The following LUZP2 variants were observed in gnomAD, a reference collection of about 807,000 sequenced individuals.
The protein encoded by LUZP2 is leucine zipper protein 2.
LUZP2 carries 52 observed loss-of-function variants against 51.6 expected under a neutral mutation model. The observed-to-expected ratio is 1.01, with a 90% confidence interval of 0.81 to 1.27. The LOEUF is 1.27. Among genes scored for constraint, LUZP2 ranks in the 50% most tolerant of loss-of-function variants. The probability of loss-of-function intolerance (pLI) is 0.00; values close to 1 mark genes in which losing one functional copy is unlikely to be tolerated. For synonymous variants in LUZP2, 154 were observed against 137.3 expected (o/e 1.12, Z -0.85); for missense variants, 436 against 395.4 (o/e 1.10, Z -0.87).
chr11:24,662,186 G>A (rs1351040555), intron 1 of LUZP2, among the ~76,000 whole-genome samples: 8 of 152,036 alleles, frequency 5.3e-5, no homozygotes, highest in African/African-American at 1.2e-4. Flanking sequence ...TAAACAAGGA[G>A]TTAGTAAGCA....
At chr11:24,545,555 CTTTTTTT>C (rs3992984) in intron 1 of LUZP2, among the ~76,000 whole-genome samples, 1 of 120,798 alleles carries the variant, frequency 8.3e-6, no homozygotes, top group Admixed American at 9.4e-5. Flanking sequence ...TTGTTGCTTG[CTTTTTTT>C]TTTTTTTTTT....
At chr11:24,884,684 T>C (rs1211793675) in intron 5 of LUZP2, among the ~76,000 whole-genome samples, 1 of 152,022 alleles carries the variant, frequency 6.6e-6, no homozygotes, top group Non-Finnish European at 1.5e-5. Context: ...CTAGAACTAG[T>C]ACAAACTTTT....
chr11:24,986,537 C>CTG (rs61367765), intron 9 of LUZP2, among the ~76,000 whole-genome samples: 7,755 of 145,736 alleles, frequency 0.053, 246 homozygotes, highest in African/African-American at 0.094. Flanking sequence ...TAGCATGCCT[C>CTG]TGTGTGTGTG....
intron 4 of LUZP2, among the ~76,000 whole-genome samples, chr11:24,744,484 AGTTTATGTGCAT>A: frequency 6.6e-6 from 1 of 152,156 alleles, no homozygotes; most frequent in East Asian, 1.9e-4. Flanking sequence ...TAGGTTTCCT[AGTTTATGTGCAT>A]AAAGGTGTTC....
intron 7 of LUZP2, among the ~76,000 whole-genome samples, chr11:24,963,592 G>T (rs1020440141): frequency 7.9e-5 from 10 of 127,256 alleles, no homozygotes; most frequent in Non-Finnish European, 1.3e-4. Context: ...TAATCTCCTG[G>T]TGCGCCGTTT....
At chr11:24,963,946 G>A (rs1855503233) in intron 7 of LUZP2, among the ~76,000 whole-genome samples, 1 of 152,110 alleles carries the variant, frequency 6.6e-6, no homozygotes, top group Non-Finnish European at 1.5e-5. Flanking sequence ...ATTGACTATT[G>A]TAGATATTGC....
intron 5 of LUZP2, among the ~76,000 whole-genome samples, chr11:24,795,326 T>C (rs1022871653): frequency 6.6e-6 from 1 of 152,148 alleles, no homozygotes; most frequent in African/African-American, 2.4e-5. Flanking sequence ...ATGGTCAGCA[T>C]TGCAATATTT....
Position 24,848,814 on chromosome 11 carries a change from A to G in LUZP2, c.397-57177A>G, listed in dbSNP as rs145145046. Among the ~76,000 whole-genome samples the G allele has an allele frequency of 4.2e-3, 645 of 152,310 alleles. 7 individuals carry two copies. Among genetic ancestry groups the G allele is most frequent in the African/African-American group, 0.015 (624 of 41,574 alleles). ...AAAACTCGACAAGGAGAAATCAGAA[A>G]AGTACAATTATAAGAAATAAACACA... On this transcript the variant is annotated intron_variant, in intron 5 of 11. Transcript: ENST00000336930.
At position 24,611,574 on chromosome 11, in the gene LUZP2, A is replaced by C. The variant is rs1854123312; in HGVS notation, c.62+114269A>C. On this transcript the variant is annotated intron_variant, in intron 1 of 11. Coordinates refer to ENST00000336930, the MANE Select transcript of LUZP2 (RefSeq NM_001009909.4). This position sits in a 1 kb window ranked among gnomAD's most constrained non-coding sequence, Gnocchi z 4.6. The stretch of plus-strand genomic sequence containing the variant: ...ATGGAACTAGGGTGGAAAGGGAGGC[A>C]GTTACTGGAAAGTAAAAATGGAACT... Among the ~76,000 whole-genome samples the C allele has an allele frequency of 6.6e-6, 1 of 152,122 alleles. No homozygotes were observed. The highest frequency in any genetic ancestry group is 2.4e-5 in the African/African-American group (1 of 41,416).
At chr11:24,659,081 A>G (rs550575998) in intron 1 of LUZP2, among the ~76,000 whole-genome samples, 59 of 152,356 alleles carry the variant, frequency 3.9e-4, no homozygotes, top group African/African-American at 1.3e-3. Context: ...GTGTATACCC[A>G]AAGGATTATA....
intron 1 of LUZP2, among the ~76,000 whole-genome samples, chr11:24,644,769 ATTTC>A (rs1193874852): frequency 6.6e-6 from 1 of 152,076 alleles, no homozygotes; most frequent in Non-Finnish European, 1.5e-5. Context: ...TAGCATATAC[ATTTC>A]TTTATTTTTA....
intron 9 of LUZP2, among the ~76,000 whole-genome samples, chr11:25,047,657 C>T (rs1858355669): frequency 6.6e-6 from 1 of 152,126 alleles, no homozygotes; most frequent in African/African-American, 2.4e-5. Flanking sequence ...GATTTGACAT[C>T]TCAGTTCAGC....
At chr11:24,826,323 T>A (rs908586924) in intron 5 of LUZP2, among the ~76,000 whole-genome samples, 1 of 151,038 alleles carries the variant, frequency 6.6e-6, no homozygotes, top group Non-Finnish European at 1.5e-5. Context: ...GACTATGATA[T>A]GGTAGTTGTG....
intron 5 of LUZP2, among the ~76,000 whole-genome samples, chr11:24,764,490 T>TAAAAAAAAAAAAA (rs869045272): frequency 2.1e-5 from 2 of 94,058 alleles, no homozygotes; most frequent in African/African-American, 7.5e-5. Flanking sequence ...ATCTCATCTC[T>TAAAAAAAAAAAAA]AAAAAAAAAA....
chr11:24,646,522 CCTAATTAATAGTCTCTT>C, intron 1 of LUZP2: 1 of 894,562 alleles, frequency 1.1e-6, no homozygotes, highest in Non-Finnish European at 1.3e-6. Flanking sequence ...GCCCTGCTTT[CCTAATTAATAGTCTCTT>C]GATTGCAAGA....
chr11:25,044,178 C>T (rs1387487682), intron 9 of LUZP2, among the ~76,000 whole-genome samples: 6 of 33,402 alleles, frequency 1.8e-4, no homozygotes, highest in Non-Finnish European at 3.5e-4. Context: ...TCTATATATA[C>T]ACACACACAT....
intron 5 of LUZP2, among the ~76,000 whole-genome samples, chr11:24,795,140 T>C (rs1321437267): frequency 1.3e-5 from 2 of 152,176 alleles, no homozygotes; most frequent in Non-Finnish European, 2.9e-5. Context: ...ACTAACATAG[T>C]AATCATATGG....
chr11:24,667,219 T>C (rs1856245613), intron 1 of LUZP2, among the ~76,000 whole-genome samples: 2 of 149,568 alleles, frequency 1.3e-5, no homozygotes, highest in African/African-American at 5.0e-5. Context: ...AGTCTCACTA[T>C]GTCACACAGG....
intron 5 of LUZP2, among the ~76,000 whole-genome samples, chr11:24,870,298 A>G (rs1166868041): frequency 1.3e-5 from 2 of 152,120 alleles, no homozygotes; most frequent in African/African-American, 4.8e-5. Context: ...TTTTTGCCAG[A>G]ATTCTGAATG....
Sources: gnomAD v4.1 joint callset for allele counts (sites outside exome capture counted in the v4.1 genomes callset) on GRCh38, gnomAD v4.1.1 for gene constraint, Gnocchi (gnomAD v3.1) non-coding constraint, MANE v1.5 for transcripts, NCBI Gene and HGNC (gene_info 2026-07-23, HGNC 2026-07-21) for gene names.